Variants in RPS15 observed in about 807,000 individuals in gnomAD.
The protein encoded by RPS15 is small ribosomal subunit protein uS19.
RPS15 carries 5 observed loss-of-function variants against 14.9 expected under a neutral mutation model. That is an observed-to-expected ratio of 0.34 (90% CI 0.18 to 0.70). The LOEUF (loss-of-function observed/expected upper bound fraction) is 0.70. Ranked by LOEUF, RPS15 falls within the 30% of genes least tolerant of loss-of-function variation. The probability of loss-of-function intolerance (pLI) is 0.65; values close to 1 mark genes in which losing one functional copy is unlikely to be tolerated. For missense variants in RPS15, 102 were observed against 204.2 expected, an observed-to-expected ratio of 0.50 and a Z score of 3.05; for synonymous variants, 103 against 85.0, an observed-to-expected ratio of 1.21 and a Z score of -1.16.
Position 1,438,988 on chromosome 19 carries a change from G to A in RPS15, c.89+96G>A. ...GGGCGGGGGTCCAAGCGCCTCTGCG[G>A]CGGTGGGCGGGCACGGTCTCCGCGC... On this transcript the variant is annotated intron_variant, in intron 2 of 3. Transcript: ENST00000592588. This position sits in a 1 kb window ranked among gnomAD's most constrained non-coding sequence, Gnocchi z 4.8. 1 of 1,019,462 alleles carries A rather than the reference G, an allele frequency of 9.8e-7. No homozygotes were observed. The highest frequency in any genetic ancestry group is 1.4e-6 in the Non-Finnish European group (1 of 703,556). 63.2% of individuals were successfully genotyped at this position (1,019,462 alleles called of 1,614,324 possible).
In RPS15 at chr19:1,438,587, G is replaced by C; in HGVS notation, c.3+159G>C. 6.4e-7 allele frequency: 1 copy of C among 1,551,400 alleles called. No individual in the cohort carries two copies. The highest frequency in any genetic ancestry group is 8.7e-7 in the Non-Finnish European group (1 of 1,146,216). On this transcript the variant is annotated intron_variant, in intron 1 of 3. Transcript: ENST00000592588. This position sits in a 1 kb window ranked among gnomAD's most constrained non-coding sequence, Gnocchi z 4.8. ...GGGGCGAGGGGCGGACTTGGTGGGT[G>C]TCGGGACGACGCGGGGCTGGGAAGG... is the stretch of plus-strand genomic sequence containing the variant.
At position 1,438,813 on chromosome 19, in the gene RPS15, G is replaced by A. The variant is rs1335113893; in HGVS notation, c.10G>A (p.Val4Ile). The change falls in exon 2 of 4, where the codon GTA (valine) becomes ATA (isoleucine). Residue 4 changes from valine to isoleucine, a missense_variant. This residue lies in a region of RPS15 where 70 missense variants were observed against 96.8 expected (regional missense o/e 0.72). Transcript: ENST00000592588. This position sits in a 1 kb window ranked among gnomAD's most constrained non-coding sequence, Gnocchi z 4.8. MAEVEQKKKRTFRK... is the reference protein window; with the variant it reads MAEIEQKKKRTFRK... Reference sequence around the variant, plus strand: ...CCGATCCGCGCCCGCACAGGCAGAAGTAGAGCAGAAGAAGAAGCGGACCTT... The same window carrying A: ...CCGATCCGCGCCCGCACAGGCAGAAATAGAGCAGAAGAAGAAGCGGACCTT... The A allele has an allele frequency of 2.5e-6, 4 of 1,593,310 alleles. No individual in the cohort carries two copies. The highest frequency in any genetic ancestry group is 3.4e-6 in the Non-Finnish European group (4 of 1,170,768).
Position 1,438,698 on chromosome 19 carries a change from G to A in RPS15, c.4-109G>A, listed in dbSNP as rs1203171918. On this transcript the variant is annotated intron_variant, in intron 1 of 3. Transcript: ENST00000592588. The surrounding 1 kb of genome is among the most constrained non-coding windows in gnomAD (Gnocchi z 4.8). ...CGGGTCGAAGCGGTGTGTCCCTGTC[G>A]GGCTTCTGTCCCCGGCGGCGCCGCG... 5 of 1,533,202 alleles carry A rather than the reference G, an allele frequency of 3.3e-6. No individual in the cohort carries two copies. The African/African-American group carries it at 4.1e-5, about 13-fold the overall frequency. 95.0% of individuals were successfully genotyped at this position (1,533,202 alleles called of 1,614,324 possible).
chr19:1,438,972 T>C lies in RPS15; in HGVS notation c.89+80T>C. ...CCGGGTGAGGGCGGCGGGGCGGGGGTCCAAGCGCCTCTGCGGCGGTGGGCG... is the reference window on the plus strand; with the variant it reads ...CCGGGTGAGGGCGGCGGGGCGGGGGCCCAAGCGCCTCTGCGGCGGTGGGCG... On this transcript the variant is annotated intron_variant, in intron 2 of 3. Transcript: ENST00000592588. This position sits in a 1 kb window ranked among gnomAD's most constrained non-coding sequence, Gnocchi z 4.8. 4 of 901,450 alleles carry C rather than the reference T, an allele frequency of 4.4e-6. No homozygotes were observed. The highest frequency in any genetic ancestry group is 3.1e-5 in the East Asian group (1 of 32,404). The allele number at this position is 901,450 out of a possible 1,614,324, so 55.8% of individuals were successfully genotyped here. A position where few individuals can be genotyped will look rare whatever the true frequency, so the allele number is the denominator to read the frequency against.
chr19:1,439,565 T>G, intron 2 of RPS15: 1 of 314,288 alleles, frequency 3.2e-6, no homozygotes, highest in Non-Finnish European at 6.0e-6. Context: ...GACCTTGATT[T>G]TTGATTATTT....
rs371553340 is a variant in RPS15 at position 1,438,439 on chromosome 19, C to G, written c.3+11C>G. 5 of 1,613,402 alleles carry G rather than the reference C, an allele frequency of 3.1e-6. No individual in the cohort carries two copies. The highest frequency in any genetic ancestry group is 1.1e-5 in the South Asian group (1 of 91,080). On this transcript the variant is annotated intron_variant, in intron 1 of 3. Transcript: ENST00000592588. The surrounding 1 kb of genome is among the most constrained non-coding windows in gnomAD (Gnocchi z 4.8). ...GGATCCGGCAAGATGGTGAGTGTTG[C>G]GATTTGGCGCGTCTCTGCCGGGCCT... is the stretch of plus-strand genomic sequence containing the variant.
Position 1,438,506 on chromosome 19 carries a change from A to T in RPS15, c.3+78A>T. 1 of 1,610,526 alleles carries T rather than the reference A, an allele frequency of 6.2e-7. No homozygotes were observed. The highest frequency in any genetic ancestry group is 8.5e-7 in the Non-Finnish European group (1 of 1,178,804). ...CCTCTGACCGTCTCGCGGGGGCCGC[A>T]GTTCGTCCCCGCGGCTACGGCGGCT... On this transcript the variant is annotated intron_variant, in intron 1 of 3. Transcript: ENST00000592588. This position sits in a 1 kb window ranked among gnomAD's most constrained non-coding sequence, Gnocchi z 4.8.
In RPS15 at chr19:1,438,647, C is replaced by G. The variant is rs1002703090; in HGVS notation, c.4-160C>G. ...GCCTTCATGTCCGGGTCCTCGTAACCCGGAGCCGCGAGTGATCCCCGGGGA... is the reference window on the plus strand; with the variant it reads ...GCCTTCATGTCCGGGTCCTCGTAACGCGGAGCCGCGAGTGATCCCCGGGGA... On this transcript the variant is annotated intron_variant, in intron 1 of 3. Transcript: ENST00000592588. This position sits in a 1 kb window ranked among gnomAD's most constrained non-coding sequence, Gnocchi z 4.8. The G allele has an allele frequency of 3.5e-5, 53 of 1,532,814 alleles. No individual in the cohort carries two copies. Among genetic ancestry groups the G allele is most frequent in the Non-Finnish European group, 4.7e-5 (53 of 1,135,678 alleles). The allele number at this position is 1,532,814 out of a possible 1,614,324, so 95.0% of individuals were successfully genotyped here.
chr19:1,439,055 C>G, intron 2 of RPS15, 163 bp downstream of exon 2: 1 of 612,724 alleles, frequency 1.6e-6, no homozygotes, highest in Non-Finnish European at 2.8e-6. Context: ...GAAAACTGTC[C>G]AGAGACGTTG....
At chr19:1,439,002 C>T in intron 2 of RPS15, 110 bp downstream of exon 2, 3 of 832,116 alleles carry the variant, frequency 3.6e-6, no homozygotes, top group Non-Finnish European at 5.5e-6. Context: ...TGGGCGGGCA[C>T]GGTCTCCGCG....
intron 2 of RPS15, 118 bp downstream of exon 2, chr19:1,439,010 G>T (rs1028231769): frequency 2.4e-6 from 2 of 822,332 alleles, no homozygotes; most frequent in Admixed American, 3.0e-5. Flanking sequence ...CACGGTCTCC[G>T]CGCGGGTTTG....
Position 1,440,254 on chromosome 19 carries a change from G to T in RPS15, c.324+1G>T. On this transcript the variant is annotated splice_donor_variant, in intron 3 of 3. Transcript: ENST00000592588. LOFTEE classifies it high-confidence loss of function. ...GACCTTCAACCAGGTGGAGATCAAG[G>T]TGTGTGCGGCCGTCCCTGCCGGCTG... The T allele has an allele frequency of 6.2e-7, 1 of 1,610,308 alleles. No individual in the cohort carries two copies.
At chr19:1,439,743 A>G in intron 2 of RPS15, 1 of 607,358 alleles carries the variant, frequency 1.6e-6, no homozygotes. Flanking sequence ...TGTACGCTGC[A>G]GCACCTTGTC....
chr19:1,438,664 C>T lies in RPS15; in HGVS notation c.4-143C>T, dbSNP rs2083627922. The T allele has an allele frequency of 1.3e-6, 2 of 1,530,428 alleles. No homozygotes were observed. The highest frequency in any genetic ancestry group is 4.9e-5 in the East Asian group (2 of 40,632). 94.8% of individuals were successfully genotyped at this position (1,530,428 alleles called of 1,614,324 possible). On this transcript the variant is annotated intron_variant, in intron 1 of 3. Coordinates refer to ENST00000592588, the MANE Select transcript of RPS15 (RefSeq NM_001018.5). The surrounding 1 kb of genome is among the most constrained non-coding windows in gnomAD (Gnocchi z 4.8). ...CTCGTAACCCGGAGCCGCGAGTGAT[C>T]CCCGGGGACGGGTCGAAGCGGTGTG...
In RPS15 at chr19:1,438,694, T is replaced by C. The variant is rs2083628352; in HGVS notation, c.4-113T>C. 6.5e-7 allele frequency: 1 copy of C among 1,532,612 alleles called. No individual in the cohort carries two copies. The highest frequency in any genetic ancestry group is 8.8e-7 in the Non-Finnish European group (1 of 1,132,908). 94.9% of individuals were successfully genotyped at this position (1,532,612 alleles called of 1,614,324 possible). On this transcript the variant is annotated intron_variant, in intron 1 of 3. Coordinates refer to ENST00000592588, the MANE Select transcript of RPS15 (RefSeq NM_001018.5). The surrounding 1 kb of genome is among the most constrained non-coding windows in gnomAD (Gnocchi z 4.8). ...GGGACGGGTCGAAGCGGTGTGTCCC[T>C]GTCGGGCTTCTGTCCCCGGCGGCGC... is the stretch of plus-strand genomic sequence containing the variant.
rs1223087365 is a variant in RPS15 at position 1,439,719 on chromosome 19, C to T, written c.90-300C>T. On this transcript the variant is annotated intron_variant, in intron 2 of 3. Coordinates refer to ENST00000592588, the MANE Select transcript of RPS15 (RefSeq NM_001018.5). Reference sequence around the variant, plus strand: ...CTGCCTTCCCCTGCGTTTTTAGAGGCCTTTGGCCCGAGCTGTACGCTGCAG... The same window carrying T: ...CTGCCTTCCCCTGCGTTTTTAGAGGTCTTTGGCCCGAGCTGTACGCTGCAG... 8.5e-6 allele frequency: 5 copies of T among 591,656 alleles called. No homozygotes were observed. The African/African-American group carries it at 9.3e-5, about 11-fold the overall frequency. 36.7% of individuals were successfully genotyped at this position (591,656 alleles called of 1,614,324 possible).
chr19:1,439,933 C>T, intron 2 of RPS15, 86 bp from the exon 3 acceptor site: 1 of 1,145,494 alleles, frequency 8.7e-7, no homozygotes, highest in African/African-American at 1.5e-5. Context: ...CTGGAGAGAA[C>T]CAAGCCTTAG....
At chr19:1,439,861 G>T (rs2083639174) in intron 2 of RPS15, 158 bp from the exon 3 acceptor site, 2 of 693,262 alleles carry the variant, frequency 2.9e-6, no homozygotes, top group Non-Finnish European at 2.6e-6. Flanking sequence ...GTGCCAGAGG[G>T]ACTTGGCGTG....
rs534496568 is a variant in RPS15 at position 1,440,166 on chromosome 19, C to T, written c.237C>T (p.His79=). The T allele has an allele frequency of 1.2e-6, 2 of 1,612,498 alleles. No homozygotes were observed. The highest frequency in any genetic ancestry group is 2.2e-5 in the East Asian group (1 of 44,840). The change falls in exon 3 of 4, where the codon CAC becomes CAT. Residue 79 remains histidine (H), a synonymous_variant. Coordinates refer to ENST00000592588, the MANE Select transcript of RPS15 (RefSeq NM_001018.5). Reference sequence around the variant, plus strand: ...AGAAGCCGGAAGTGGTGAAGACGCACCTGCGGGACATGATCATCCTACCCG... The same window carrying T: ...AGAAGCCGGAAGTGGTGAAGACGCATCTGCGGGACATGATCATCCTACCCG... ...PMEKPEVVKT[H]LRDMIILPEM...
Sources: gnomAD v4.1 joint callset for allele counts on GRCh38, gnomAD v4.1.1 for gene constraint, gnomAD v4.1.1 regional missense constraint, Gnocchi (gnomAD v3.1) non-coding constraint, MANE v1.5 for transcripts, NCBI Gene and HGNC (gene_info 2026-07-23, HGNC 2026-07-21) for gene names.